The following SMAD9 variants were observed in gnomAD, a reference collection of about 807,000 sequenced individuals.
SMAD9 encodes SMAD family member 9.
In SMAD9, 36 loss-of-function variants were observed where a neutral mutation model predicts 46.1. The observed-to-expected ratio is 0.78, with a 90% CI of 0.60 to 1.03. The LOEUF (loss-of-function observed/expected upper bound fraction) is 1.03. Ranked by LOEUF, SMAD9 falls within the 50% of genes least tolerant of loss-of-function variation. The probability of loss-of-function intolerance (pLI) is 0.00; values close to 1 mark genes in which losing one functional copy is unlikely to be tolerated. For missense variants in SMAD9, 572 were observed against 599.8 expected (o/e 0.95, Z 0.48); for synonymous variants, 245 against 237.1 (o/e 1.03, Z -0.31).
chr13:36,865,151 C>T (rs2058220100), intron 5 of SMAD9, among the ~76,000 whole-genome samples: 1 of 152,218 alleles, frequency 6.6e-6, no homozygotes, highest in Admixed American at 6.5e-5. Flanking sequence ...TCACCTGATA[C>T]AAATAATCAT....
chr13:36,873,513 T>A (rs2058316531), intron 2 of SMAD9, among the ~76,000 whole-genome samples: 1 of 152,162 alleles, frequency 6.6e-6, no homozygotes, highest in African/African-American at 2.4e-5. Context: ...AGGTGAGTAA[T>A]TAAAAGTTAT....
intron 1 of SMAD9, among the ~76,000 whole-genome samples, chr13:36,902,795 T>C (rs2058587535): frequency 6.6e-6 from 1 of 152,244 alleles, no homozygotes; most frequent in African/African-American, 2.4e-5. Flanking sequence ...TTTTACTTTT[T>C]AAAAATTATT....
chr13:36,874,954 T>C (rs370863825), intron 2 of SMAD9, among the ~76,000 whole-genome samples: 1 of 150,988 alleles, frequency 6.6e-6, no homozygotes, highest in Non-Finnish European at 1.5e-5. Context: ...AGAGAGTCAA[T>C]GACATTATCT....
chr13:36,886,748 G>A (rs971955816), intron 1 of SMAD9, among the ~76,000 whole-genome samples: 1 of 152,190 alleles, frequency 6.6e-6, no homozygotes, highest in African/African-American at 2.4e-5. Context: ...TTGGACTTCT[G>A]GTGAAGACCC....
Position 36,906,018 on chromosome 13 carries a change from C to T in SMAD9, c.-187+14098G>A, listed in dbSNP as rs186877763. The stretch of plus-strand genomic sequence containing the variant: ...CATGCTTTACAACTCTTAAATCAAA[C>T]GAAAGTTTTAAATAAGGAGAACACC... On this transcript the variant is annotated intron_variant, in intron 1 of 6. Transcript: ENST00000379826. Among the ~76,000 whole-genome samples the T allele has an allele frequency of 9.9e-5, 15 of 151,994 alleles. No individual in the cohort carries two copies. The East Asian group carries it at 1.7e-3, about 18-fold the overall frequency.
chr13:36,883,391 T>A (rs1279419402), intron 1 of SMAD9, among the ~76,000 whole-genome samples: 1 of 152,134 alleles, frequency 6.6e-6, no homozygotes, highest in Admixed American at 6.5e-5. Context: ...GGGCGGAAAG[T>A]CTGGAAAGAT....
At chr13:36,898,691 AC>A (rs1364167790) in intron 1 of SMAD9, among the ~76,000 whole-genome samples, 1 of 152,222 alleles carries the variant, frequency 6.6e-6, no homozygotes, top group African/African-American at 2.4e-5. Context: ...GCAGAAAAAA[AC>A]ATTTGACACT....
intron 1 of SMAD9, among the ~76,000 whole-genome samples, chr13:36,899,295 T>C (rs535222724): frequency 6.6e-6 from 1 of 152,296 alleles, no homozygotes; most frequent in African/African-American, 2.4e-5. Flanking sequence ...AAATATACCA[T>C]GTTCATGGAT....
At chr13:36,894,282 G>A (rs1419333191) in intron 1 of SMAD9, among the ~76,000 whole-genome samples, 1 of 152,068 alleles carries the variant, frequency 6.6e-6, no homozygotes, top group Non-Finnish European at 1.5e-5. Context: ...CCCCCATACT[G>A]TTCTCTTGGT....
At chr13:36,883,223 C>T (rs1249389735) in intron 1 of SMAD9, among the ~76,000 whole-genome samples, 1 of 151,966 alleles carries the variant, frequency 6.6e-6, no homozygotes, top group African/African-American at 2.4e-5. Flanking sequence ...ACTCCACGGC[C>T]CAGGTTCACC....
chr13:36,902,843 G>A (rs1366097613), intron 1 of SMAD9, among the ~76,000 whole-genome samples: 1 of 152,082 alleles, frequency 6.6e-6, no homozygotes, highest in East Asian at 1.9e-4. Context: ...GCCTCAATTA[G>A]GATATGGACG....
chr13:36,856,409 T>C (rs1299364955), intron 5 of SMAD9, among the ~76,000 whole-genome samples: 2 of 152,198 alleles, frequency 1.3e-5, no homozygotes, highest in Non-Finnish European at 2.9e-5. Context: ...GCAACCACAG[T>C]CCACTTTGGC....
chr13:36,850,067 C>T (rs1458162570), intron 6 of SMAD9: 1 of 152,172 alleles, frequency 6.6e-6, no homozygotes, highest in Non-Finnish European at 1.5e-5. Flanking sequence ...TCTCTTAAAT[C>T]CATTCTGATC....
chr13:36,856,512 G>A (rs954588729), intron 5 of SMAD9, among the ~76,000 whole-genome samples: 38 of 152,182 alleles, frequency 2.5e-4, no homozygotes, highest in African/African-American at 9.2e-4. Context: ...AGCATGCGGA[G>A]CCCGCCCAGA....
intron 2 of SMAD9, among the ~76,000 whole-genome samples, chr13:36,878,930 A>G (rs1425590362): frequency 3.3e-5 from 5 of 152,212 alleles, no homozygotes; most frequent in Admixed American, 1.3e-4. Context: ...TACCAGCATA[A>G]TGAAATCAAA....
chr13:36,882,175 AATAAGT>A (rs1179729056), intron 1 of SMAD9, among the ~76,000 whole-genome samples: 2 of 152,058 alleles, frequency 1.3e-5, no homozygotes, highest in Non-Finnish European at 2.9e-5. Flanking sequence ...GCTGACGAAA[AATAAGT>A]ATAATAATAA....
chr13:36,911,701 ATTTATTT>A lies in SMAD9; in HGVS notation c.-187+8408_-187+8414del, dbSNP rs146668387. On this transcript the variant is annotated intron_variant, in intron 1 of 6. Coordinates refer to ENST00000379826, the MANE Select transcript of SMAD9 (RefSeq NM_001127217.3). ...ATGAACTGCTGTTCGGGGAAGCTCA[ATTTATTT>A]TTTATTTTTTATTTTTTGAGACAGA... Among the ~76,000 whole-genome samples the A allele has an allele frequency of 4.9e-3, 736 of 150,342 alleles. 5 individuals are homozygous for A. The highest frequency in any genetic ancestry group is 0.017 in the African/African-American group (701 of 41,106).
intron 3 of SMAD9, 81 bp downstream of exon 3, chr13:36,872,577 T>A: frequency 2.1e-6 from 3 of 1,460,598 alleles, no homozygotes; most frequent in South Asian, 1.1e-5. Flanking sequence ...TTACAATGAC[T>A]GTCATTGTGA....
Position 36,891,096 on chromosome 13 carries a change from T to C in SMAD9, c.-186-11221A>G, listed in dbSNP as rs532135498. Among the ~76,000 whole-genome samples, 59 of 152,224 alleles carry C rather than the reference T, an allele frequency of 3.9e-4. 1 individual carries two copies. In the South Asian group the frequency reaches 8.5e-3, roughly 22 times the overall value. On this transcript the variant is annotated intron_variant, in intron 1 of 6. Transcript: ENST00000379826. ...ACCTTTCACTTTTCCTCCTTCCCGC[T>C]TTGGTCCTCTGAGAAATACAAATCC...
Sources: allele counts gnomAD v4.1 joint callset (sites outside exome capture counted in the v4.1 genomes callset), GRCh38; gene constraint gnomAD v4.1.1; transcripts MANE v1.5; gene names NCBI Gene and HGNC (gene_info 2026-07-23, HGNC 2026-07-21).